Variants in LYRM7 observed in about 807,000 individuals in gnomAD.
The protein encoded by LYRM7 is complex III assembly factor LYRM7.
A neutral mutation model predicts 15.8 loss-of-function variants in LYRM7; 9 were observed. The ratio of observed to expected loss-of-function variants is 0.57; its 90% CI spans 0.34 to 0.99. The LOEUF (loss-of-function observed/expected upper bound fraction) is 0.99, where lower values mean the gene tolerates loss of function less well. LYRM7 is among the 50% of genes least tolerant of loss of function. LYRM7 has a pLI of 0.02. For missense variants in LYRM7, 115 were observed against 119.1 expected, an observed-to-expected ratio of 0.97 and a Z score of 0.16; for synonymous variants, 39 against 39.4, an observed-to-expected ratio of 0.99 and a Z score of 0.04.
intron 2 of LYRM7, among the ~76,000 whole-genome samples, chr5:131,181,905 A>C (rs1448933412): frequency 1.3e-5 from 2 of 152,190 alleles, no homozygotes; most frequent in Non-Finnish European, 2.9e-5. Flanking sequence ...AGAAATCCTT[A>C]GATTTGTAAA....
intron 2 of LYRM7, 116 bp from the exon 3 acceptor site, chr5:131,182,113 T>C: frequency 6.4e-6 from 6 of 938,350 alleles, no homozygotes; most frequent in Non-Finnish European, 8.8e-6. Flanking sequence ...TTGTTTTTCA[T>C]GAGGGCAATT....
chr5:131,196,322 T>C (rs948963010), intron 4 of LYRM7, among the ~76,000 whole-genome samples: 3 of 152,034 alleles, frequency 2.0e-5, no homozygotes, highest in Non-Finnish European at 1.5e-5. Flanking sequence ...TGGCTTCTCC[T>C]GTTCTTTTTT....
At chr5:131,183,042 T>C (rs1340629213) in intron 3 of LYRM7, among the ~76,000 whole-genome samples, 2 of 152,150 alleles carry the variant, frequency 1.3e-5, no homozygotes, top group African/African-American at 4.8e-5. Flanking sequence ...GTTCCAAGAA[T>C]TGATTCCTTT....
chr5:131,188,073 A>G (rs894946952), intron 4 of LYRM7, among the ~76,000 whole-genome samples: 13 of 152,078 alleles, frequency 8.5e-5, no homozygotes, highest in African/African-American at 2.9e-4. Context: ...CCTGGGCAAC[A>G]TGAAAAAACC....
chr5:131,181,428 T>TAA lies in LYRM7; in HGVS notation c.92-800_92-799dup, dbSNP rs1248556630. On this transcript the variant is annotated intron_variant, in intron 2 of 4. Coordinates refer to ENST00000379380, the MANE Select transcript of LYRM7 (RefSeq NM_181705.4). ...ATACATATATATGTTTATATATATA[T>TAA]AACATATATATGTATATATATATAA... Among the ~76,000 whole-genome samples the TAA allele has an allele frequency of 6.3e-5, 7 of 111,446 alleles. No individual in the cohort carries two copies. The South Asian group carries it at 9.6e-4, about 15-fold the overall frequency. 73.1% of individuals were successfully genotyped at this position (111,446 alleles called of 152,430 possible).
rs138429973 is a variant in LYRM7, at chr5:131,182,692, A to T, written c.162+393A>T. ...CGGTTAGATATTTATTTTTAATCCC[A>T]TCTTGGCAATGACAAACAGCCGCAG... On this transcript the variant is annotated intron_variant, in intron 3 of 4. Transcript: ENST00000379380. Among the ~76,000 whole-genome samples, 570 of 152,304 alleles carry T rather than the reference A, an allele frequency of 3.7e-3. 5 individuals are homozygous for T. The highest frequency in any genetic ancestry group is 0.013 in the African/African-American group (541 of 41,578).
At chr5:131,181,389 CAT>C (rs1174787920) in intron 2 of LYRM7, among the ~76,000 whole-genome samples, 10 of 71,506 alleles carry the variant, frequency 1.4e-4, no homozygotes, top group Admixed American at 1.2e-3. Flanking sequence ...ATAATATATA[CAT>C]ATATATTATA....
chr5:131,183,606 T>C (rs559045911), intron 3 of LYRM7, among the ~76,000 whole-genome samples: 9 of 152,156 alleles, frequency 5.9e-5, no homozygotes, highest in Non-Finnish European at 8.8e-5. Context: ...TATTTTGTAC[T>C]TTCTGCAACT....
At chr5:131,182,870 G>T (rs1057441381) in intron 3 of LYRM7, among the ~76,000 whole-genome samples, 1 of 151,930 alleles carries the variant, frequency 6.6e-6, no homozygotes, top group African/African-American at 2.4e-5. Flanking sequence ...TATATATTAT[G>T]TATTCTGGCA....
chr5:131,179,640 T>TA (rs1554089774), intron 1 of LYRM7, among the ~76,000 whole-genome samples: 1 of 151,862 alleles, frequency 6.6e-6, no homozygotes, highest in Non-Finnish European at 1.5e-5. Flanking sequence ...TGACTAATTT[T>TA]AAAAAAATAT....
At chr5:131,188,593 G>C (rs1440644983) in intron 4 of LYRM7, among the ~76,000 whole-genome samples, 1 of 151,966 alleles carries the variant, frequency 6.6e-6, no homozygotes, top group African/African-American at 2.4e-5. Context: ...TTTCTAAGGG[G>C]TTGTCTGCCT....
At chr5:131,173,544 G>C (rs1755555073) in intron 1 of LYRM7, among the ~76,000 whole-genome samples, 2 of 152,162 alleles carry the variant, frequency 1.3e-5, no homozygotes, top group South Asian at 4.1e-4. Context: ...AAGAGTTCGA[G>C]ACCCATCTGG....
intron 2 of LYRM7, among the ~76,000 whole-genome samples, chr5:131,181,358 T>A (rs1230991487): frequency 2.8e-5 from 1 of 35,612 alleles, no homozygotes; most frequent in Non-Finnish European, 4.4e-5. Context: ...GTTATATATA[T>A]ATTAACATAT....
Position 131,203,271 on chromosome 5 carries a change from C to T in LYRM7, c.*3670C>T, listed in dbSNP as rs1439936317. ...AACAGATCCTATTTATAATTGCAAACAAAACTGTAAAATAGACTTTTTAAA... is the reference window on the plus strand; with the variant it reads ...AACAGATCCTATTTATAATTGCAAATAAAACTGTAAAATAGACTTTTTAAA... On this transcript the variant is annotated 3_prime_UTR_variant, in exon 5 of 5. Coordinates refer to ENST00000379380, the MANE Select transcript of LYRM7 (RefSeq NM_181705.4). The T allele has an allele frequency of 6.6e-6, 1 of 152,250 alleles. No homozygotes were observed. Among genetic ancestry groups the T allele is most frequent in the East Asian group, 1.9e-4 (1 of 5,306 alleles). The allele number at this position is 152,250 out of a possible 1,614,324, so 9.4% of individuals were successfully genotyped here. A position where few individuals can be genotyped will look rare whatever the true frequency, so the allele number is the denominator to read the frequency against.
At chr5:131,177,159 G>A (rs10070480) in intron 1 of LYRM7, among the ~76,000 whole-genome samples, 47,456 of 151,862 alleles carry the variant, frequency 0.31, 12,125 homozygotes, top group African/African-American at 0.71. Context: ...CTAGATATCT[G>A]TTCCCAAATT....
At chr5:131,196,624 A>G (rs1473413859) in intron 4 of LYRM7, among the ~76,000 whole-genome samples, 1 of 151,926 alleles carries the variant, frequency 6.6e-6, no homozygotes. Flanking sequence ...GGTCCTTAGT[A>G]TCACTAAGGA....
At chr5:131,174,851 A>G (rs1755574051) in intron 1 of LYRM7, among the ~76,000 whole-genome samples, 1 of 152,212 alleles carries the variant, frequency 6.6e-6, no homozygotes, top group African/African-American at 2.4e-5. Context: ...CTCAAAAAAA[A>G]AGGACTTAAA....
intron 4 of LYRM7, among the ~76,000 whole-genome samples, chr5:131,190,496 T>G (rs1561547286): frequency 6.6e-6 from 1 of 151,102 alleles, no homozygotes; most frequent in South Asian, 2.1e-4. Flanking sequence ...GCCCTTTTTT[T>G]TTTTTTTCTT....
Position 131,184,722 on chromosome 5 carries a change from C to T in LYRM7, c.163-2306C>T, listed in dbSNP as rs185991368. ...GCCTAATCCCTTATTCCTCAACTAGCCTTGTTTCCAGCCTTATATCTAGGA... is the reference window on the plus strand; with the variant it reads ...GCCTAATCCCTTATTCCTCAACTAGTCTTGTTTCCAGCCTTATATCTAGGA... On this transcript the variant is annotated intron_variant, in intron 3 of 4. Coordinates refer to ENST00000379380, the MANE Select transcript of LYRM7 (RefSeq NM_181705.4). Among the ~76,000 whole-genome samples the T allele has an allele frequency of 1.1e-4, 16 of 151,926 alleles. No homozygotes were observed. The East Asian group carries it at 3.1e-3, about 29-fold the overall frequency.
Sources: allele counts gnomAD v4.1 joint callset (sites outside exome capture counted in the v4.1 genomes callset), GRCh38; gene constraint gnomAD v4.1.1; transcripts MANE v1.5; gene names NCBI Gene and HGNC (gene_info 2026-07-23, HGNC 2026-07-21).